Variants in U2SURP observed in about 807,000 individuals in gnomAD.
U2SURP encodes the protein U2 snRNP associated SURP domain containing, also known as U2 snRNP-associated SURP motif-containing protein.
Under a neutral mutation model 144.9 loss-of-function variants are expected in U2SURP, and 9 were observed. That is an observed-to-expected ratio of 0.06 (90% CI 0.04 to 0.11). U2SURP has a LOEUF of 0.11. Among genes scored for constraint, U2SURP ranks in the 10% least tolerant of loss-of-function variants. The pLI is 1.00. For synonymous variants in U2SURP, 408 were observed against 396.8 expected, an observed-to-expected ratio of 1.03 and a Z score of -0.33; for missense variants, 724 against 1,226.7, an observed-to-expected ratio of 0.59 and a Z score of 6.12.
intron 23 of U2SURP, among the ~76,000 whole-genome samples, chr3:143,039,303 A>T (rs1578153078): frequency 6.6e-6 from 1 of 151,782 alleles, no homozygotes; most frequent in East Asian, 1.9e-4. Context: ...GAAAGGTTAT[A>T]CTCCTTTCTT....
intron 18 of U2SURP, chr3:143,034,449 T>C (rs927916937): frequency 6.6e-6 from 1 of 152,568 alleles, no homozygotes; most frequent in African/African-American, 2.4e-5. Flanking sequence ...GAGCTCTCTT[T>C]CTGTGTTTAT....
chr3:143,007,547 T>C (rs1246789047), intron 1 of U2SURP, among the ~76,000 whole-genome samples: 1 of 151,202 alleles, frequency 6.6e-6, no homozygotes, highest in Non-Finnish European at 1.5e-5. Context: ...GTTCACGTCA[T>C]TCTCCTGCCT....
At chr3:143,035,857 T>G (rs1933782961) in intron 19 of U2SURP, 125 bp from the exon 20 acceptor site, 11 of 1,011,176 alleles carry the variant, frequency 1.1e-5, no homozygotes, top group Non-Finnish European at 1.5e-5. Flanking sequence ...GTTATTTTCT[T>G]TAAAGTTTAA....
chr3:143,009,860 G>A (rs1429161517), intron 1 of U2SURP, among the ~76,000 whole-genome samples: 2 of 151,936 alleles, frequency 1.3e-5, no homozygotes, highest in African/African-American at 4.8e-5. Flanking sequence ...ATTTTATCTT[G>A]TACTTTATAT....
At chr3:143,025,147 A>G (rs1269120054) in intron 13 of U2SURP, among the ~76,000 whole-genome samples, 1 of 152,180 alleles carries the variant, frequency 6.6e-6, no homozygotes, top group African/African-American at 2.4e-5. Context: ...AAAAATACTT[A>G]TAAACTTTTA....
At position 143,001,599 on chromosome 3, in the gene U2SURP, G is replaced by C; in HGVS notation, c.-30G>C. On this transcript the variant is annotated 5_prime_UTR_variant, in exon 1 of 28. Transcript: ENST00000473835. ...CGGTGCTCGACTCGCCCGTGCTGCTGCCGCCGCCGAAGGAGGGGCAAAGCT... is the reference window on the plus strand; with the variant it reads ...CGGTGCTCGACTCGCCCGTGCTGCTCCCGCCGCCGAAGGAGGGGCAAAGCT... 1 of 1,613,322 alleles carries C rather than the reference G, an allele frequency of 6.2e-7. No homozygotes were observed. Among genetic ancestry groups the C allele is most frequent in the Non-Finnish European group, 8.5e-7 (1 of 1,179,656 alleles).
Position 143,015,192 on chromosome 3 carries a change from A to G in U2SURP, c.321+783A>G, listed in dbSNP as rs907066666. Reference sequence around the variant, plus strand: ...AAATGGTATCTCAGTGTAGTTTTACATTTGGATTTCTCTCATTATGAGTAA... The same window carrying G: ...AAATGGTATCTCAGTGTAGTTTTACGTTTGGATTTCTCTCATTATGAGTAA... On this transcript the variant is annotated intron_variant, in intron 4 of 27. Transcript: ENST00000473835. 5.9e-5 allele frequency among the ~76,000 whole-genome samples: 9 copies of G among 152,172 alleles called. No homozygotes were observed. The East Asian group carries it at 1.3e-3, about 23-fold the overall frequency.
intron 3 of U2SURP, among the ~76,000 whole-genome samples, chr3:143,012,965 A>C (rs1936191275): frequency 6.6e-6 from 1 of 152,130 alleles, no homozygotes; most frequent in Admixed American, 6.6e-5. Context: ...TTCTTGTTTA[A>C]TATTTCTAGG....
At chr3:143,034,740 T>TAG in intron 18 of U2SURP, 148 bp from the exon 19 acceptor site, 1 of 585,800 alleles carries the variant, frequency 1.7e-6, no homozygotes, top group African/African-American at 1.9e-5. Flanking sequence ...GTTACGGTTT[T>TAG]AGAGTTTAAA....
chr3:143,036,036 C>G lies in U2SURP; in HGVS notation c.1996C>G (p.Pro666Ala). ...AWEDWAIYPE[P>A]FLIKLQNIFL... is the part of the protein sequence containing the mutation. ...GGAAGATTGGGCAATTTATCCAGAACCATTTTTGATCAAACTACAAAATAT... is the reference window on the plus strand; with the variant it reads ...GGAAGATTGGGCAATTTATCCAGAAGCATTTTTGATCAAACTACAAAATAT... Residue 666 changes from proline to alanine, a missense_variant, in exon 20 of 28, where the codon CCA becomes GCA. Pro to Ala is a conservative substitution (Grantham distance 27). Transcript: ENST00000473835. The G allele has an allele frequency of 6.2e-7, 1 of 1,610,644 alleles. No homozygotes were observed. The highest frequency in any genetic ancestry group is 8.5e-7 in the Non-Finnish European group (1 of 1,178,800).
At chr3:143,038,852 G>A in intron 22 of U2SURP, 42 bp from the exon 23 acceptor site, 10 of 1,452,538 alleles carry the variant, frequency 6.9e-6, no homozygotes, top group East Asian at 2.7e-5. Context: ...AAAAATGCTA[G>A]TTTACCTCGT....
intron 19 of U2SURP, among the ~76,000 whole-genome samples, chr3:143,035,471 C>T (rs1288151075): frequency 2.0e-5 from 3 of 152,102 alleles, no homozygotes; most frequent in Admixed American, 1.3e-4. Context: ...TGCCCAGTGA[C>T]GCCACCATTT....
Position 143,028,495 on chromosome 3 carries a change from A to G in U2SURP, c.1459A>G (p.Thr487Ala), listed in dbSNP as rs1560189151. 1.0e-5 allele frequency: 16 copies of G among 1,595,240 alleles called. No homozygotes were observed. The highest frequency in any genetic ancestry group is 2.2e-5 in the East Asian group (1 of 44,742). Reference protein sequence around the residue: ...LYSILQGDSPTKWRTEDFRMF... With the variant: ...LYSILQGDSPAKWRTEDFRMF... Reference sequence around the variant, plus strand: ...AAATGTTTGTTAGGGAGATTCTCCAACTAAATGGCGGACGGAAGATTTTCG... The same window carrying G: ...AAATGTTTGTTAGGGAGATTCTCCAGCTAAATGGCGGACGGAAGATTTTCG... Residue 487 changes from threonine to alanine, a missense_variant, in exon 16 of 28, where the codon ACT (threonine) becomes GCT (alanine). Physicochemically the swap from Thr to Ala is moderately conservative, Grantham distance 58. This residue lies in a region of U2SURP where 66 missense variants were observed against 95.0 expected (regional missense o/e 0.69). Coordinates refer to ENST00000473835, the MANE Select transcript of U2SURP (RefSeq NM_001080415.2).
intron 24 of U2SURP, among the ~76,000 whole-genome samples, chr3:143,043,960 A>G (rs1237737263): frequency 6.6e-6 from 1 of 151,818 alleles, no homozygotes; most frequent in Non-Finnish European, 1.5e-5. Flanking sequence ...TGACCGTGTT[A>G]GCCAGGATGG....
chr3:143,038,231 T>TA, intron 22 of U2SURP, 28 bp downstream of exon 22: 1 of 1,487,508 alleles, frequency 6.7e-7, no homozygotes, highest in Non-Finnish European at 9.1e-7. Context: ...AAATATTTTT[T>TA]AAATTAAGTA....
intron 27 of U2SURP, among the ~76,000 whole-genome samples, 185 bp from the exon 28 acceptor site, chr3:143,056,127 A>C (rs1935136422): frequency 6.6e-6 from 1 of 152,158 alleles, no homozygotes; most frequent in South Asian, 2.1e-4. Context: ...GATGCAGTGC[A>C]TAGTAAGTAC....
At chr3:143,019,893 A>G (rs946112797) in intron 6 of U2SURP, 76 bp from the exon 7 acceptor site, 10 of 738,002 alleles carry the variant, frequency 1.4e-5, no homozygotes, top group East Asian at 3.2e-5. Context: ...GAAATGATGT[A>G]AAAAGGCTCT....
intron 21 of U2SURP, 71 bp downstream of exon 21, chr3:143,037,406 T>A: frequency 7.4e-7 from 1 of 1,352,856 alleles, no homozygotes; most frequent in South Asian, 1.3e-5. Flanking sequence ...TTTCCATACA[T>A]GCTGATATGG....
At chr3:143,029,030 G>A (rs990486452) in intron 16 of U2SURP, among the ~76,000 whole-genome samples, 3 of 152,132 alleles carry the variant, frequency 2.0e-5, no homozygotes, top group Admixed American at 6.5e-5. Context: ...ATGCAAAGCC[G>A]CTACATGATA....
Sources: allele counts gnomAD v4.1 joint callset (sites outside exome capture counted in the v4.1 genomes callset), GRCh38; gene constraint gnomAD v4.1.1; regional missense constraint gnomAD v4.1.1; transcripts MANE v1.5; gene names NCBI Gene and HGNC (gene_info 2026-07-23, HGNC 2026-07-21).